The following SAMD5 variants were observed in gnomAD, a reference collection of about 807,000 sequenced individuals.
SAMD5 encodes sterile alpha motif domain containing 5.
Under a neutral mutation model 11.3 loss-of-function variants are expected in SAMD5, and 13 were observed. The observed-to-expected ratio is 1.15, with a 90% CI of 0.75 to 1.83. The LOEUF is 1.83. SAMD5 is among the 40% of genes most tolerant of loss of function. The pLI is 0.00. For synonymous variants in SAMD5, 129 were observed against 111.3 expected (o/e 1.16, Z -1.00); for missense variants, 255 against 239.1 (o/e 1.07, Z -0.44).
At chr6:147,719,379 G>A (rs554182168) in intron 1 of SAMD5, among the ~76,000 whole-genome samples, 2 of 152,090 alleles carry the variant, frequency 1.3e-5, no homozygotes, top group Non-Finnish European at 1.5e-5. Flanking sequence ...ATTGAGAAAG[G>A]GATATCTGAT....
chr6:147,659,884 C>G (rs1044393479), intron 1 of SAMD5, among the ~76,000 whole-genome samples: 44 of 152,268 alleles, frequency 2.9e-4, no homozygotes, highest in Admixed American at 1.7e-3. Context: ...GGTCACCGCC[C>G]TGTTGTGCCT....
chr6:147,925,903 C>T, the SAMD5 span, among the ~76,000 whole-genome samples: 1 of 152,110 alleles, frequency 6.6e-6, no homozygotes, highest in Non-Finnish European at 1.5e-5. Context: ...AACATCTCAT[C>T]ATTTAGCTCC....
At position 147,524,860 on chromosome 6, in the gene SAMD5, A is replaced by G. The variant is rs1788312887; in HGVS notation, c.459+15473A>G. Among the ~76,000 whole-genome samples the G allele has an allele frequency of 2.0e-5, 3 of 152,160 alleles. No individual in the cohort carries two copies. In the South Asian group the frequency reaches 6.2e-4, roughly 32 times the overall value. ...TCATTTGTGAAGAATGCTTTACCAC[A>G]TTATTTCCTTCAATCCTCACAGCAA... is the stretch of plus-strand genomic sequence containing the variant. On this transcript the variant is annotated intron_variant, in intron 1 of 1. Transcript: ENST00000367474.
At chr6:147,532,795 C>T (rs1209599406) in intron 1 of SAMD5, among the ~76,000 whole-genome samples, 1 of 152,182 alleles carries the variant, frequency 6.6e-6, no homozygotes, top group East Asian at 1.9e-4. Flanking sequence ...CCAACATCTA[C>T]ATAGCCTTTC....
intron 1 of SAMD5, among the ~76,000 whole-genome samples, chr6:147,636,951 G>C (rs1357341148): frequency 6.6e-6 from 1 of 152,054 alleles, no homozygotes; most frequent in Non-Finnish European, 1.5e-5. Context: ...GGGTGAAGAG[G>C]GGTGTCTTAC....
chr6:147,833,216 C>T, the SAMD5 span, among the ~76,000 whole-genome samples: 6 of 152,276 alleles, frequency 3.9e-5, no homozygotes, highest in Non-Finnish European at 7.4e-5. Flanking sequence ...TTTCCCTGTA[C>T]CTGCAGCTAA....
At chr6:147,551,814 A>T (rs75781723) in intron 1 of SAMD5, among the ~76,000 whole-genome samples, 7 of 50,480 alleles carry the variant, frequency 1.4e-4, no homozygotes, top group Admixed American at 2.3e-4. Context: ...TATATATGTT[A>T]TATATATATA....
the SAMD5 span, among the ~76,000 whole-genome samples, chr6:147,846,717 G>A: frequency 6.6e-6 from 1 of 152,178 alleles, no homozygotes; most frequent in Admixed American, 6.5e-5. Context: ...CTATTCGGTA[G>A]GCTGAGGCAT....
intron 1 of SAMD5, among the ~76,000 whole-genome samples, chr6:147,629,417 G>T (rs753841488): frequency 2.6e-5 from 4 of 152,126 alleles, no homozygotes; most frequent in Non-Finnish European, 4.4e-5. Flanking sequence ...GAATGACAAA[G>T]AAATCCAATA....
the SAMD5 span, among the ~76,000 whole-genome samples, chr6:147,764,741 G>C: frequency 6.6e-6 from 1 of 152,026 alleles, no homozygotes; most frequent in African/African-American, 2.4e-5. Context: ...CAATATTTTT[G>C]AGCAAAATTT....
At chr6:147,739,732 CAGTT>C (rs1161315746), downstream of SAMD5, among the ~76,000 whole-genome samples, 3 of 152,024 alleles carry the variant, frequency 2.0e-5, no homozygotes, top group African/African-American at 4.8e-5. Flanking sequence ...TTTGAATAGG[CAGTT>C]ATTTATGTTT....
intron 1 of SAMD5, among the ~76,000 whole-genome samples, chr6:147,645,817 T>C (rs1187692687): frequency 6.6e-6 from 1 of 152,174 alleles, no homozygotes; most frequent in Non-Finnish European, 1.5e-5. Flanking sequence ...ACCTTAAGAC[T>C]TGCTTTCACA....
chr6:147,509,434 A>T, intron 1 of SAMD5, 47 bp downstream of exon 1: 7 of 1,477,598 alleles, frequency 4.7e-6, no homozygotes, highest in Non-Finnish European at 6.3e-6. Flanking sequence ...GCGGGAGGGG[A>T]CACAGCCCAG....
At chr6:147,661,987 C>G (rs1484742183) in intron 1 of SAMD5, among the ~76,000 whole-genome samples, 1 of 152,128 alleles carries the variant, frequency 6.6e-6, no homozygotes, top group Non-Finnish European at 1.5e-5. Flanking sequence ...TCACGGTTGC[C>G]CATTCTGTAG....
At chr6:147,912,983 A>G in the SAMD5 span, among the ~76,000 whole-genome samples, 6 of 152,152 alleles carry the variant, frequency 3.9e-5, no homozygotes, top group Non-Finnish European at 8.8e-5. Flanking sequence ...GAAAATATAC[A>G]GTAAAGAGAA....
At chr6:147,527,625 A>G (rs1788363265) in intron 1 of SAMD5, among the ~76,000 whole-genome samples, 1 of 151,978 alleles carries the variant, frequency 6.6e-6, no homozygotes, top group Non-Finnish European at 1.5e-5. Flanking sequence ...TCAAAATACA[A>G]TCATGTCTTC....
At chr6:147,911,453 T>C in the SAMD5 span, among the ~76,000 whole-genome samples, 3 of 152,210 alleles carry the variant, frequency 2.0e-5, no homozygotes, top group Non-Finnish European at 4.4e-5. Context: ...GAAGATGTCA[T>C]AGCCCAGGGA....
At chr6:147,535,714 T>A (rs1402809908) in intron 1 of SAMD5, among the ~76,000 whole-genome samples, 1 of 152,238 alleles carries the variant, frequency 6.6e-6, no homozygotes. Context: ...TAAGACTTTT[T>A]GAAAGTCGAG....
intron 1 of SAMD5, among the ~76,000 whole-genome samples, chr6:147,663,759 T>A (rs1790677560): frequency 7.0e-6 from 1 of 141,944 alleles, no homozygotes; most frequent in Admixed American, 7.5e-5. Flanking sequence ...GTCACTTTAC[T>A]TCAGCCTGGG....
Sources: allele counts gnomAD v4.1 joint callset (sites outside exome capture counted in the v4.1 genomes callset), GRCh38; gene constraint gnomAD v4.1.1; transcripts MANE v1.5; gene names NCBI Gene and HGNC (gene_info 2026-07-23, HGNC 2026-07-21).